DNAH9: variants seen among roughly 807,000 people sequenced by gnomAD.
DNAH9 encodes the protein DNAH9 variant protein.
A neutral mutation model predicts 471.6 loss-of-function variants in DNAH9; 345 were observed. The observed-to-expected ratio is 0.73, with a 90% CI of 0.67 to 0.80. The LOEUF (loss-of-function observed/expected upper bound fraction) is 0.80, where lower values mean the gene tolerates loss of function less well. Among genes scored for constraint, DNAH9 ranks in the 30% least tolerant of loss-of-function variants. The pLI is 0.00. For synonymous variants in DNAH9, 2,093 were observed against 2,123.6 expected, an observed-to-expected ratio of 0.99 and a Z score of 0.40; for missense variants, 5,407 against 5,609.2, an observed-to-expected ratio of 0.96 and a Z score of 1.15.
intron 14 of DNAH9, 30 bp downstream of exon 14, chr17:11,653,032 C>A (rs754277759): frequency 6.2e-7 from 1 of 1,607,966 alleles, no homozygotes; most frequent in South Asian, 1.1e-5. Flanking sequence ...GGCGCACATA[C>A]TACGAGTTTA....
At chr17:11,617,048 G>A (rs1288374719) in intron 4 of DNAH9, among the ~76,000 whole-genome samples, 1 of 152,142 alleles carries the variant, frequency 6.6e-6, no homozygotes, top group Non-Finnish European at 1.5e-5. Flanking sequence ...TCATACAATT[G>A]CCAAGCGTCT....
chr17:11,804,127 T>G (rs1177673430), intron 43 of DNAH9, among the ~76,000 whole-genome samples: 1 of 152,226 alleles, frequency 6.6e-6, no homozygotes, highest in Non-Finnish European at 1.5e-5. Flanking sequence ...TTCAGACATC[T>G]AGAAATTACA....
At chr17:11,649,431 T>C (rs990328991) in intron 12 of DNAH9, among the ~76,000 whole-genome samples, 11 of 152,170 alleles carry the variant, frequency 7.2e-5, no homozygotes, top group Non-Finnish European at 1.6e-4. Flanking sequence ...GCGTATAAAA[T>C]AATAGTGAAT....
chr17:11,926,646 C>A (rs990465086), intron 62 of DNAH9, among the ~76,000 whole-genome samples: 1 of 152,118 alleles, frequency 6.6e-6, no homozygotes, highest in Non-Finnish European at 1.5e-5. Context: ...TTTTCTTTAT[C>A]TAGTCTATCA....
chr17:11,828,239 C>T (rs938079512), intron 48 of DNAH9, among the ~76,000 whole-genome samples: 7 of 151,946 alleles, frequency 4.6e-5, no homozygotes, highest in South Asian at 2.1e-4. Context: ...TTTGGGAGTC[C>T]GAGGCGGGTG....
intron 3 of DNAH9, 84 bp from the exon 4 acceptor site, chr17:11,611,566 C>T (rs2072637407): frequency 7.1e-7 from 1 of 1,416,630 alleles, no homozygotes; most frequent in African/African-American, 1.4e-5. Flanking sequence ...GGGCTCCTCT[C>T]TTTCTGTGTG....
chr17:11,877,778 A>G (rs1370177794), intron 53 of DNAH9, among the ~76,000 whole-genome samples: 1 of 152,214 alleles, frequency 6.6e-6, no homozygotes, highest in East Asian at 1.9e-4. Context: ...TATGATATAT[A>G]TAGATAGATA....
intron 43 of DNAH9, among the ~76,000 whole-genome samples, chr17:11,798,458 A>G (rs1969335750): frequency 8.0e-6 from 1 of 125,612 alleles, no homozygotes; most frequent in Non-Finnish European, 1.7e-5. Flanking sequence ...AAAAAAAAAA[A>G]GAGAGAGAGA....
intron 26 of DNAH9, among the ~76,000 whole-genome samples, chr17:11,716,298 C>T (rs927632016): frequency 6.6e-6 from 1 of 152,026 alleles, no homozygotes; most frequent in East Asian, 1.9e-4. Context: ...CCAGGCTGGT[C>T]TCGAACTCCT....
In DNAH9 at chr17:11,784,385, A is replaced by C; in HGVS notation, c.7907A>C (p.Lys2636Thr). 1 of 1,614,150 alleles carries C rather than the reference A, an allele frequency of 6.2e-7. No homozygotes were observed. Among genetic ancestry groups the C allele is most frequent in the Non-Finnish European group, 8.5e-7 (1 of 1,180,038 alleles). Residue 2636 changes from lysine to threonine, a missense_variant, in exon 41 of 69, where the codon AAG becomes ACG. Coordinates refer to ENST00000262442, the MANE Select transcript of DNAH9 (RefSeq NM_001372.4). ...IYSIILTQHLKLGNFPASLQK... is the reference protein window; with the variant it reads ...IYSIILTQHLTLGNFPASLQK... ...AGCATCATCCTCACTCAGCATCTGA[A>C]GCTCGGAAACTTCCCGGCGTCCCTG...
At chr17:11,784,685 C>T (rs1968799339) in intron 41 of DNAH9, 146 bp downstream of exon 41, 1 of 1,191,808 alleles carries the variant, frequency 8.4e-7, no homozygotes, top group Non-Finnish European at 1.2e-6. Context: ...AGCAGGTACA[C>T]ACAGTGCCAT....
chr17:11,632,195 G>A (rs2073082117), intron 7 of DNAH9, among the ~76,000 whole-genome samples: 1 of 152,180 alleles, frequency 6.6e-6, no homozygotes, highest in Non-Finnish European at 1.5e-5. Context: ...TTCTGACTTG[G>A]GGAAGGAACG....
At chr17:11,873,039 T>C (rs939166573) in intron 52 of DNAH9, among the ~76,000 whole-genome samples, 6 of 152,246 alleles carry the variant, frequency 3.9e-5, no homozygotes, top group Admixed American at 3.9e-4. Flanking sequence ...AAAAACTCTT[T>C]CTGTAGTGAT....
intron 8 of DNAH9, among the ~76,000 whole-genome samples, chr17:11,633,687 T>G (rs960455974): frequency 2.0e-5 from 3 of 152,210 alleles, no homozygotes. Flanking sequence ...AAAATGATCA[T>G]GTATGCTATT....
intron 31 of DNAH9, among the ~76,000 whole-genome samples, chr17:11,746,813 A>G (rs1966896882): frequency 6.6e-6 from 1 of 152,214 alleles, no homozygotes. Flanking sequence ...CTATACAACC[A>G]AATTATCATC....
At chr17:11,865,602 T>G (rs1157236834) in intron 50 of DNAH9, among the ~76,000 whole-genome samples, 1 of 151,838 alleles carries the variant, frequency 6.6e-6, no homozygotes, top group Non-Finnish European at 1.5e-5. Context: ...CTGGATAATA[T>G]CCTGCAGAGT....
intron 19 of DNAH9, among the ~76,000 whole-genome samples, chr17:11,686,830 AG>A (rs1293120176): frequency 2.0e-5 from 3 of 152,228 alleles, no homozygotes; most frequent in African/African-American, 4.8e-5. Context: ...TTACCTAAAA[AG>A]TTATTCCTAA....
chr17:11,679,307 C>T (rs993546474), intron 17 of DNAH9, among the ~76,000 whole-genome samples: 2 of 152,214 alleles, frequency 1.3e-5, no homozygotes, highest in African/African-American at 2.4e-5. Flanking sequence ...CTCTTGGAAG[C>T]TTTTTCTATG....
At position 11,937,263 on chromosome 17, in the gene DNAH9, C is replaced by T. The variant is rs1974743534; in HGVS notation, c.12490-89C>T. 3 of 1,479,978 alleles carry T rather than the reference C, an allele frequency of 2.0e-6. No homozygotes were observed. Among genetic ancestry groups the T allele is most frequent in the South Asian group, 1.4e-5 (1 of 74,018 alleles). The allele number at this position is 1,479,978 out of a possible 1,614,324, so 91.7% of individuals were successfully genotyped here. On this transcript the variant is annotated intron_variant, in intron 65 of 68. Transcript: ENST00000262442. This position sits in a 1 kb window ranked among gnomAD's most constrained non-coding sequence, Gnocchi z 4.1. Reference sequence around the variant, plus strand: ...TGTCCCCTGGAGGAGGGATACTAGCCCATGGACTCCCTGCAGAGGACAAGC... The same window carrying T: ...TGTCCCCTGGAGGAGGGATACTAGCTCATGGACTCCCTGCAGAGGACAAGC...
Sources: allele counts gnomAD v4.1 joint callset (sites outside exome capture counted in the v4.1 genomes callset), GRCh38; gene constraint gnomAD v4.1.1; non-coding constraint Gnocchi (gnomAD v3.1); transcripts MANE v1.5; gene names NCBI Gene and HGNC (gene_info 2026-07-23, HGNC 2026-07-21).